Variants in FGFR2 observed in about 807,000 individuals in gnomAD.
FGFR2 encodes fibroblast growth factor receptor 2, also known as BEK fibroblast growth factor receptor.
FGFR2 carries 19 observed loss-of-function variants against 95.9 expected under a neutral mutation model. The observed-to-expected ratio is 0.20, with a 90% CI of 0.14 to 0.29. The LOEUF (loss-of-function observed/expected upper bound fraction) is 0.29. Ranked by LOEUF, FGFR2 falls within the 10% of genes least tolerant of loss-of-function variation. FGFR2 has a pLI of 1.00. For synonymous variants in FGFR2, 392 were observed against 393.3 expected, an observed-to-expected ratio of 1.00 and a Z score of 0.04; for missense variants, 707 against 1,056.9, an observed-to-expected ratio of 0.67 and a Z score of 4.59.
intron 4 of FGFR2, among the ~76,000 whole-genome samples, chr10:121,556,529 T>C (rs1462933135): frequency 6.6e-6 from 1 of 152,078 alleles, no homozygotes; most frequent in East Asian, 1.9e-4. Context: ...GGTGACCATC[T>C]GGCCCAACGA....
intron 6 of FGFR2, among the ~76,000 whole-genome samples, chr10:121,537,601 C>A (rs984398818): frequency 1.3e-5 from 2 of 152,178 alleles, no homozygotes; most frequent in Non-Finnish European, 2.9e-5. Flanking sequence ...TTTACAGAGG[C>A]ACAGTGGGTG....
Position 121,535,675 on chromosome 10 carries a change from C to T in FGFR2, c.748+2917G>A, listed in dbSNP as rs145097082. ...TTTATTATCGCCACAATTACCAAAACGTGGAGCATCACACTAATTTTCCCT... is the reference window on the plus strand; with the variant it reads ...TTTATTATCGCCACAATTACCAAAATGTGGAGCATCACACTAATTTTCCCT... On this transcript the variant is annotated intron_variant, in intron 6 of 17. Coordinates refer to ENST00000358487, the MANE Select transcript of FGFR2 (RefSeq NM_000141.5). 2.6e-5 allele frequency among the ~76,000 whole-genome samples: 4 copies of T among 152,296 alleles called. No homozygotes were observed. The East Asian group carries it at 5.8e-4, about 22-fold the overall frequency.
intron 2 of FGFR2, among the ~76,000 whole-genome samples, chr10:121,577,178 T>TAGAGAGAGAGAGAGAGAGAGAGAGAGAG (rs1169688456): frequency 1.9e-3 from 10 of 5,212 alleles, no homozygotes; most frequent in African/African-American, 2.3e-3. Flanking sequence ...TATATATATA[T>TAGAGAGAGAGAGAGAGAGAGAGAGAGAG]AGAGAGAGAG....
chr10:121,560,472 G>C (rs560385045), intron 4 of FGFR2, among the ~76,000 whole-genome samples: 1 of 151,774 alleles, frequency 6.6e-6, no homozygotes, highest in Non-Finnish European at 1.5e-5. Flanking sequence ...AAAATTAGCC[G>C]GGTGTGGTGG....
intron 4 of FGFR2, among the ~76,000 whole-genome samples, chr10:121,559,312 T>C (rs769641682): frequency 2.0e-5 from 3 of 152,144 alleles, no homozygotes; most frequent in East Asian, 3.9e-4. Context: ...ACAAAGAATT[T>C]GGTGCTTCTG....
intron 12 of FGFR2, among the ~76,000 whole-genome samples, chr10:121,497,130 CAAAAAAAAA>C (rs35537265): frequency 3.3e-5 from 3 of 91,454 alleles, no homozygotes; most frequent in African/African-American, 1.1e-4. Flanking sequence ...GACTTTGTCT[CAAAAAAAAA>C]AAAAAAAAAA....
intron 2 of FGFR2, among the ~76,000 whole-genome samples, chr10:121,591,427 G>C (rs1862632078): frequency 6.6e-6 from 1 of 152,252 alleles, no homozygotes; most frequent in African/African-American, 2.4e-5. Context: ...CTTACTGGAT[G>C]CCAGCCCCTG....
At chr10:121,546,245 G>T (rs893628252) in intron 5 of FGFR2, among the ~76,000 whole-genome samples, 2 of 149,814 alleles carry the variant, frequency 1.3e-5, no homozygotes, top group Admixed American at 1.3e-4. Flanking sequence ...GATGCTACAC[G>T]ATGGTGATAC....
intron 2 of FGFR2, among the ~76,000 whole-genome samples, chr10:121,578,846 G>C (rs1394843503): frequency 6.6e-6 from 1 of 152,206 alleles, no homozygotes; most frequent in African/African-American, 2.4e-5. Flanking sequence ...GGAGGCAGAG[G>C]TTGCAGTGAG....
chr10:121,503,810 T>C lies in FGFR2; in HGVS notation c.1419A>G (p.Lys473=). ...CTCACTTATCTCTTGGAAACTCCCA[T>C]TTTGGGTCCTCTGGAAGTTCATACT... ...VSEYELPEDP[K]WEFPRDKLTL... is the part of the protein sequence containing the mutation. Residue 473 remains lysine (K), a synonymous_variant, in exon 10 of 18, where the codon AAA becomes AAG. Coordinates refer to ENST00000358487, the MANE Select transcript of FGFR2 (RefSeq NM_000141.5). 1 of 1,614,058 alleles carries C rather than the reference T, an allele frequency of 6.2e-7. No homozygotes were observed. The highest frequency in any genetic ancestry group is 8.5e-7 in the Non-Finnish European group (1 of 1,179,998).
At chr10:121,563,821 A>G (rs1857295477) in intron 4 of FGFR2, among the ~76,000 whole-genome samples, 1 of 152,164 alleles carries the variant, frequency 6.6e-6, no homozygotes, top group East Asian at 1.9e-4. Context: ...GGCCTCTCCC[A>G]TGTTAGCGCT....
chr10:121,560,411 G>A (rs533206908), intron 4 of FGFR2, among the ~76,000 whole-genome samples: 2 of 151,994 alleles, frequency 1.3e-5, no homozygotes, highest in South Asian at 2.1e-4. Flanking sequence ...TCAGGAGATC[G>A]AGACCATTCT....
chr10:121,479,332 G>A lies in FGFR2; in HGVS notation c.*525C>T, dbSNP rs1844375055. 1 of 273,892 alleles carries A rather than the reference G, an allele frequency of 3.7e-6. No individual in the cohort carries two copies. Among genetic ancestry groups the A allele is most frequent in the African/African-American group, 2.2e-5 (1 of 46,066 alleles). The allele number at this position is 273,892 out of a possible 1,614,324, so 17.0% of individuals were successfully genotyped here. On this transcript the variant is annotated 3_prime_UTR_variant, in exon 18 of 18. Coordinates refer to ENST00000358487, the MANE Select transcript of FGFR2 (RefSeq NM_000141.5). ...AATTAAGAAATTATGTGTAAGAACA[G>A]CATTTAGCAAATAGCTATTAAAAAA... is the stretch of plus-strand genomic sequence containing the variant.
intron 10 of FGFR2, among the ~76,000 whole-genome samples, chr10:121,503,481 G>C (rs910411441): frequency 6.6e-6 from 1 of 152,144 alleles, no homozygotes; most frequent in African/African-American, 2.4e-5. Context: ...TTTATAAATT[G>C]GATAATTCTA....
At chr10:121,497,412 A>G (rs1847016777) in intron 12 of FGFR2, among the ~76,000 whole-genome samples, 1 of 152,218 alleles carries the variant, frequency 6.6e-6, no homozygotes, top group African/African-American at 2.4e-5. Context: ...ATGAATAATA[A>G]AGCTCTTAGA....
chr10:121,501,658 A>C (rs1047340831), intron 10 of FGFR2, among the ~76,000 whole-genome samples: 3 of 152,206 alleles, frequency 2.0e-5, no homozygotes, highest in Admixed American at 6.5e-5. Flanking sequence ...TCTTTGGAAT[A>C]CTTATGAATA....
chr10:121,490,391 T>C (rs1201776825), intron 13 of FGFR2, among the ~76,000 whole-genome samples: 1 of 152,154 alleles, frequency 6.6e-6, no homozygotes, highest in African/African-American at 2.4e-5. Context: ...CTCAAACTCC[T>C]GACCTCAAGT....
chr10:121,561,470 TA>T (rs1856962314), intron 4 of FGFR2, among the ~76,000 whole-genome samples: 1 of 143,588 alleles, frequency 7.0e-6, no homozygotes, highest in South Asian at 2.2e-4. Context: ...TTTCAACAAA[TA>T]GTCCCAGAAC....
chr10:121,507,471 C>T (rs1413146471), intron 9 of FGFR2, among the ~76,000 whole-genome samples: 1 of 152,106 alleles, frequency 6.6e-6, no homozygotes, highest in Admixed American at 6.5e-5. Context: ...GCCTGTAACC[C>T]CAGCTACTGG....
Sources: allele counts gnomAD v4.1 joint callset (sites outside exome capture counted in the v4.1 genomes callset), GRCh38; gene constraint gnomAD v4.1.1; transcripts MANE v1.5; gene names NCBI Gene and HGNC (gene_info 2026-07-23, HGNC 2026-07-21).